TENM1: variants seen among roughly 807,000 people sequenced by gnomAD.
The protein encoded by TENM1 is teneurin transmembrane protein 1.
Under a neutral mutation model 174.8 loss-of-function variants are expected in TENM1, and 35 were observed. The ratio of observed to expected loss-of-function variants is 0.20; its 90% CI spans 0.15 to 0.27. The LOEUF (loss-of-function observed/expected upper bound fraction) is 0.27, where lower values mean the gene tolerates loss of function less well. Ranked by LOEUF, TENM1 falls within the 10% of genes least tolerant of loss-of-function variation. The pLI is 1.00. For missense variants in TENM1, 1,633 were observed against 2,130.1 expected (o/e 0.77, Z 4.59); for synonymous variants, 781 against 798.7 (o/e 0.98, Z 0.37).
chrX:124,891,462 C>T (rs1948503716), intron 3 of TENM1, among the ~76,000 whole-genome samples: 1 of 110,158 alleles, frequency 9.1e-6, no homozygotes, highest in African/African-American at 3.3e-5. Context: ...AGATTGAGAC[C>T]ATCCTGGCCA....
At chrX:124,624,783 A>G (rs763610936) in intron 11 of TENM1, among the ~76,000 whole-genome samples, 214 of 112,134 alleles carry the variant, frequency 1.9e-3, no homozygotes, top group African/African-American at 6.5e-3. Context: ...AAATGTCTAG[A>G]ACATATTAGA....
intron 11 of TENM1, among the ~76,000 whole-genome samples, chrX:124,604,147 G>T (rs1297892524): frequency 9.0e-6 from 1 of 110,792 alleles, no homozygotes; most frequent in Non-Finnish European, 1.9e-5. Flanking sequence ...TAGTAATATG[G>T]TGCTATCTCA....
chrX:125,114,549 A>G, the TENM1 span, among the ~76,000 whole-genome samples: 1 of 111,319 alleles, frequency 9.0e-6, no homozygotes, highest in Non-Finnish European at 1.9e-5. Context: ...AAAATGACAA[A>G]GGGGATATCA....
At chrX:124,814,368 A>G (rs2055852429) in intron 3 of TENM1, among the ~76,000 whole-genome samples, 1 of 111,494 alleles carries the variant, frequency 9.0e-6, no homozygotes, top group Non-Finnish European at 1.9e-5. Flanking sequence ...TATTATTAAC[A>G]TGGCTTATTC....
chrX:124,884,388 G>T (rs1048158284), intron 3 of TENM1, among the ~76,000 whole-genome samples: 1 of 110,179 alleles, frequency 9.1e-6, no homozygotes, highest in Non-Finnish European at 1.9e-5. Flanking sequence ...GGGGGTGGGT[G>T]GGGGGTGAGA....
chrX:124,897,132 C>T lies in TENM1; in HGVS notation c.218-891G>A, dbSNP rs139555369. Among the ~76,000 whole-genome samples, 392 of 111,553 alleles carry T rather than the reference C, an allele frequency of 3.5e-3. 3 individuals carry two copies. The highest frequency in any genetic ancestry group is 0.012 in the African/African-American group (368 of 30,790). On this transcript the variant is annotated intron_variant, in intron 1 of 31. Transcript: ENST00000422452. Reference sequence around the variant, plus strand: ...GGTTTCTGGTATACAACAACGATGCCCCATCAACTTACTGCATGAATATCA... The same window carrying T: ...GGTTTCTGGTATACAACAACGATGCTCCATCAACTTACTGCATGAATATCA...
the TENM1 span, among the ~76,000 whole-genome samples, chrX:125,117,089 T>C: frequency 1.8e-5 from 2 of 109,858 alleles, no homozygotes; most frequent in African/African-American, 3.3e-5. Flanking sequence ...TTTTACACCA[T>C]TGGTGGGAGT....
At chrX:124,453,409 T>C in exon 23 of TENM1, 1 of 1,210,862 alleles carries the variant, frequency 8.3e-7, no homozygotes, top group Non-Finnish European at 1.1e-6. Context: ...CGATTACAGT[T>C]GTGATCACAG....
At chrX:124,819,222 T>C (rs749071602) in intron 3 of TENM1, among the ~76,000 whole-genome samples, 1 of 112,138 alleles carries the variant, frequency 8.9e-6, no homozygotes, top group Admixed American at 9.5e-5. Flanking sequence ...TCAAACCATC[T>C]GGGTGCTTGA....
chrX:125,154,694 C>A, the TENM1 span, among the ~76,000 whole-genome samples: 1 of 110,661 alleles, frequency 9.0e-6, no homozygotes, highest in Non-Finnish European at 1.9e-5. Context: ...GGCGGCGTGT[C>A]CAGAGTTTGT....
At chrX:124,972,511 T>C in the TENM1 span, among the ~76,000 whole-genome samples, 3 of 111,912 alleles carry the variant, frequency 2.7e-5, no homozygotes, top group South Asian at 1.1e-3. Context: ...TTCATTTAGT[T>C]AGTCAGAAAA....
exon 18 of TENM1, chrX:124,520,703 G>A (rs1330359599): frequency 1.7e-6 from 2 of 1,210,394 alleles, no homozygotes; most frequent in South Asian, 1.8e-5. Context: ...ATCCGTAGCA[G>A]GGTTTTATAC....
intron 11 of TENM1, among the ~76,000 whole-genome samples, chrX:124,603,643 A>G (rs2050082447): frequency 1.8e-5 from 2 of 111,834 alleles, no homozygotes; most frequent in African/African-American, 6.5e-5. Flanking sequence ...ATTTGGATAC[A>G]CCACAGTAGT....
chrX:124,603,188 A>C (rs980342064), intron 11 of TENM1, among the ~76,000 whole-genome samples: 1 of 111,386 alleles, frequency 9.0e-6, no homozygotes, highest in Non-Finnish European at 1.9e-5. Context: ...CAGAACTGAG[A>C]GAGAATAAAT....
intron 3 of TENM1, among the ~76,000 whole-genome samples, chrX:124,740,111 C>A (rs2053765477): frequency 1.8e-5 from 2 of 111,617 alleles, no homozygotes; most frequent in African/African-American, 6.5e-5. Context: ...TCTAATGCCA[C>A]GTGTGGGAGA....
intron 3 of TENM1, among the ~76,000 whole-genome samples, chrX:124,844,906 C>T (rs1294350629): frequency 1.8e-5 from 2 of 111,008 alleles, no homozygotes; most frequent in Non-Finnish European, 3.8e-5. Flanking sequence ...ATCAGAATCA[C>T]TTGTGAAGCT....
chrX:124,440,613 G>A (rs1031005361), intron 23 of TENM1, among the ~76,000 whole-genome samples: 1 of 111,612 alleles, frequency 9.0e-6, no homozygotes, highest in African/African-American at 3.3e-5. Context: ...CCATCTTTCA[G>A]AGGAGAGCAG....
chrX:125,139,533 T>C, the TENM1 span, among the ~76,000 whole-genome samples: 1 of 111,218 alleles, frequency 9.0e-6, no homozygotes, highest in Non-Finnish European at 1.9e-5. Flanking sequence ...GGGAACTTGG[T>C]GATTATGAAC....
At chrX:124,699,551 A>G (rs1195157836) in intron 5 of TENM1, among the ~76,000 whole-genome samples, 1 of 111,462 alleles carries the variant, frequency 9.0e-6, no homozygotes, top group East Asian at 2.8e-4. Context: ...GTTCTAAGAA[A>G]AAAAAATAAG....
Sources: allele counts gnomAD v4.1 joint callset (sites outside exome capture counted in the v4.1 genomes callset), GRCh38; gene constraint gnomAD v4.1.1; transcripts MANE v1.5; gene names NCBI Gene and HGNC (gene_info 2026-07-23, HGNC 2026-07-21).